TNRC18: variants seen among roughly 807,000 people sequenced by gnomAD.
TNRC18 encodes trinucleotide repeat-containing gene 18 protein.
Under a neutral mutation model 226.7 loss-of-function variants are expected in TNRC18, and 69 were observed. The observed-to-expected ratio is 0.30, with a 90% CI of 0.25 to 0.37. TNRC18 has a LOEUF of 0.37. Among genes scored for constraint, TNRC18 ranks in the 10% least tolerant of loss-of-function variants. The pLI, the probability that TNRC18 is intolerant of heterozygous loss-of-function variation, is 1.00. For missense variants in TNRC18, 4,754 were observed against 4,256.6 expected (o/e 1.12, Z -3.25); for synonymous variants, 2,449 against 1,927.6 (o/e 1.27, Z -7.09).
At chr7:5,390,144 G>A in intron 4 of TNRC18, 1 of 433,920 alleles carries the variant, frequency 2.3e-6, no homozygotes, top group East Asian at 3.5e-5. Context: ...TAGGAGGATT[G>A]CTTGAGGCCA....
At position 5,390,648 on chromosome 7, in the gene TNRC18, A is replaced by G; in HGVS notation, c.344-20T>C. ...AGAAGCCTGTAACAGAAAAGAGAAA[A>G]GCTGGGCTGGGCCAATTCGTGCTGC... is the stretch of plus-strand genomic sequence containing the variant. On this transcript the variant is annotated intron_variant, in intron 3 of 29. Coordinates refer to ENST00000430969, the MANE Select transcript of TNRC18 (RefSeq NM_001080495.3). The G allele has an allele frequency of 6.6e-7, 1 of 1,517,502 alleles. No individual in the cohort carries two copies. The highest frequency in any genetic ancestry group is 8.8e-7 in the Non-Finnish European group (1 of 1,132,794). The allele number at this position is 1,517,502 out of a possible 1,614,324, so 94.0% of individuals were successfully genotyped here. A position where few individuals can be genotyped will look rare whatever the true frequency, so the allele number is the denominator to read the frequency against.
chr7:5,410,285 T>C (rs1179996242), intron 2 of TNRC18, among the ~76,000 whole-genome samples: 1 of 122,652 alleles, frequency 8.2e-6, no homozygotes, highest in Non-Finnish European at 1.6e-5. Flanking sequence ...CCCTCCACCC[T>C]GGGCAACAGA....
chr7:5,421,160 G>A lies in TNRC18; in HGVS notation c.87C>T (p.Arg29=). ...AGCGTCCGGCAGTGGCCGCGCCCAC[G>A]CGGTGGCTGTCCATGGCCAGGCCGG... The part of the protein sequence containing the change: ...LLSGLAMDSH[R]VGAATAGRLP... The change falls in exon 2 of 30, where the codon CGC becomes CGT. Residue 29 remains arginine (R), a synonymous_variant. Transcript: ENST00000430969. 2 of 1,424,242 alleles carry A rather than the reference G, an allele frequency of 1.4e-6. No homozygotes were observed. The highest frequency in any genetic ancestry group is 1.8e-6 in the Non-Finnish European group (2 of 1,085,938). The allele number at this position is 1,424,242 out of a possible 1,614,324, so 88.2% of individuals were successfully genotyped here. A position where few individuals can be genotyped will look rare whatever the true frequency, so the allele number is the denominator to read the frequency against.
chr7:5,357,375 C>T (rs1349121535), intron 15 of TNRC18, 99 bp from the exon 16 acceptor site: 4 of 1,311,672 alleles, frequency 3.0e-6, no homozygotes, highest in Non-Finnish European at 3.1e-6. Context: ...CAATCCTTCA[C>T]CTGCCTCTGT....
Position 5,313,075 on chromosome 7 carries a change from T to G in TNRC18, c.7816A>C (p.Ser2606Arg), listed in dbSNP as rs774937942. ...GTGGRNCSAASSRAASPASSS... is the reference protein window; with the variant it reads ...GTGGRNCSAARSRAASPASSS... ...GAGGCCGGTGAGGCCGCCCTGGAGC[T>G]GGCAGCGCTGCAGTTACGGCCCCCG... The change falls in exon 27 of 30, where the codon AGC (serine) becomes CGC (arginine). Residue 2606 changes from serine (S) to arginine (R), a missense_variant. By Grantham distance (110) the Ser-to-Arg change is moderately radical. Transcript: ENST00000430969. 4 of 1,188,200 alleles carry G rather than the reference T, an allele frequency of 3.4e-6. No homozygotes were observed. The highest frequency in any genetic ancestry group is 1.5e-5 in the African/African-American group (1 of 66,368). The allele number at this position is 1,188,200 out of a possible 1,614,324, so 73.6% of individuals were successfully genotyped here.
chr7:5,315,812 C>T (rs1194113978), intron 25 of TNRC18, 144 bp downstream of exon 25: 15 of 590,540 alleles, frequency 2.5e-5, no homozygotes, highest in African/African-American at 2.1e-4. Context: ...TGAGATCTCA[C>T]GGGAGCCCAC....
rs1031728445 is a variant in TNRC18 at position 5,307,386 on chromosome 7, C to T, written c.*720G>A. ...TGTACAGGTTAAGAAGTGCCACCTC[C>T]CTCCTGGGTGGGGAGGGGCCAGGCG... On this transcript the variant is annotated 3_prime_UTR_variant, in exon 30 of 30. Coordinates refer to ENST00000430969, the MANE Select transcript of TNRC18 (RefSeq NM_001080495.3). The T allele has an allele frequency of 3.5e-6, 1 of 285,668 alleles. No homozygotes were observed. The highest frequency in any genetic ancestry group is 7.1e-6 in the Non-Finnish European group (1 of 140,924). The allele number at this position is 285,668 out of a possible 1,614,324, so 17.7% of individuals were successfully genotyped here.
rs1296596527 is a variant in TNRC18 at position 5,423,616 on chromosome 7, C to A, written c.-419G>T. On this transcript the variant is annotated 5_prime_UTR_variant, in exon 1 of 30. Transcript: ENST00000430969. The stretch of plus-strand genomic sequence containing the variant: ...GCCTTTCCTTTTTTTGGTAGAAAAC[C>A]GCTCCCCGGGCCGAGCGCTCGGCGC... 1 of 151,594 alleles carries A rather than the reference C, an allele frequency of 6.6e-6. No homozygotes were observed. The highest frequency in any genetic ancestry group is 1.5e-5 in the Non-Finnish European group (1 of 67,858). 9.4% of individuals were successfully genotyped at this position (151,594 alleles called of 1,614,324 possible).
At position 5,326,251 on chromosome 7, in the gene TNRC18, T is replaced by A. The variant is rs547349805; in HGVS notation, c.6148-1003A>T. 1.1e-3 allele frequency among the ~76,000 whole-genome samples: 166 copies of A among 145,982 alleles called. 1 individual carries two copies. Among genetic ancestry groups the A allele is most frequent in the East Asian group, 2.0e-3 (10 of 5,040 alleles). Reference sequence around the variant, plus strand: ...ACACAACCATGCACACACAGTATTTTAAAAAAAAAAAAGTGGGAATTTACC... The same window carrying A: ...ACACAACCATGCACACACAGTATTTAAAAAAAAAAAAAGTGGGAATTTACC... On this transcript the variant is annotated intron_variant, in intron 19 of 29. Transcript: ENST00000430969.
At chr7:5,417,696 G>C (rs1014044992) in intron 2 of TNRC18, among the ~76,000 whole-genome samples, 1 of 152,166 alleles carries the variant, frequency 6.6e-6, no homozygotes, top group African/African-American at 2.4e-5. Flanking sequence ...GCTGGGGTTG[G>C]GAGCTGAAGA....
intron 4 of TNRC18, 84 bp from the exon 5 acceptor site, chr7:5,389,420 G>C (rs1780108591): frequency 1.7e-6 from 2 of 1,200,256 alleles, no homozygotes; most frequent in East Asian, 3.5e-5. Context: ...CCCTGAGAGG[G>C]GGATGGACCA....
intron 27 of TNRC18, among the ~76,000 whole-genome samples, chr7:5,310,412 T>C (rs1481598626): frequency 6.6e-6 from 1 of 152,000 alleles, no homozygotes; most frequent in Non-Finnish European, 1.5e-5. Context: ...GTGTGTGTAT[T>C]TTTAGTAGAG....
At chr7:5,420,834 C>G in intron 2 of TNRC18, 1 of 717,324 alleles carries the variant, frequency 1.4e-6, no homozygotes, top group Non-Finnish European at 2.5e-6. Flanking sequence ...TTTCGGCTCA[C>G]GAGGGCCAAG....
chr7:5,340,507 C>T lies in TNRC18; in HGVS notation c.5719+5055G>A, dbSNP rs140359217. ...ATCCCAGCACTTTGGGAGGCCGAGG[C>T]GAGAGGATCATTTGAAGTCAGGAGT... On this transcript the variant is annotated intron_variant, in intron 18 of 29. Transcript: ENST00000430969. 3.4e-3 allele frequency among the ~76,000 whole-genome samples: 520 copies of T among 152,032 alleles called. 5 individuals are homozygous for T. The highest frequency in any genetic ancestry group is 0.012 in the African/African-American group (495 of 41,482).
At chr7:5,325,552 T>C (rs1012263180) in intron 19 of TNRC18, 1 of 318,552 alleles carries the variant, frequency 3.1e-6, no homozygotes, top group Non-Finnish European at 5.8e-6. Context: ...GCCTCCCGAG[T>C]AGCTGGGACT....
At chr7:5,363,225 C>T (rs934042555) in intron 11 of TNRC18, among the ~76,000 whole-genome samples, 2 of 151,944 alleles carry the variant, frequency 1.3e-5, no homozygotes, top group Non-Finnish European at 2.9e-5. Flanking sequence ...ACCACTTGAA[C>T]CCGGGAGGCA....
intron 5 of TNRC18, 93 bp downstream of exon 5, chr7:5,387,579 A>G: frequency 6.7e-7 from 1 of 1,500,634 alleles, no homozygotes; most frequent in African/African-American, 1.4e-5. Context: ...AAGACTTAGC[A>G]ATAGCAAAGG....
chr7:5,348,911 C>T (rs1791491661), intron 17 of TNRC18, among the ~76,000 whole-genome samples: 1 of 151,462 alleles, frequency 6.6e-6, no homozygotes, highest in Non-Finnish European at 1.5e-5. Context: ...CCTGGGTCCC[C>T]CACATCAGGT....
chr7:5,401,052 T>A (rs896053383), intron 2 of TNRC18, among the ~76,000 whole-genome samples: 3 of 151,866 alleles, frequency 2.0e-5, no homozygotes, highest in Non-Finnish European at 4.4e-5. Flanking sequence ...TTATTAAAAA[T>A]TAAAACTAAG....
Sources: allele counts gnomAD v4.1 joint callset (sites outside exome capture counted in the v4.1 genomes callset), GRCh38; gene constraint gnomAD v4.1.1; transcripts MANE v1.5; gene names NCBI Gene and HGNC (gene_info 2026-07-23, HGNC 2026-07-21).